The following ABCC4 variants were observed in gnomAD, a reference collection of about 807,000 sequenced individuals.
The protein encoded by ABCC4 is ATP-binding cassette sub-family C member 4.
A neutral mutation model predicts 168.5 loss-of-function variants in ABCC4; 102 were observed. The observed-to-expected ratio is 0.61, with a 90% CI of 0.52 to 0.71. ABCC4 has a LOEUF of 0.71. Among genes scored for constraint, ABCC4 ranks in the 30% least tolerant of loss-of-function variants. ABCC4 has a pLI of 0.00. For synonymous variants in ABCC4, 617 were observed against 590.7 expected (o/e 1.04, Z -0.65); for missense variants, 1,402 against 1,605.8 (o/e 0.87, Z 2.17).
chr13:95,196,605 GA>G (rs1293200091), intron 8 of ABCC4, among the ~76,000 whole-genome samples: 292 of 7,524 alleles, frequency 0.039, 9 homozygotes, highest in African/African-American at 0.12. Context: ...AGGAAGGAAG[GA>G]AGGAAGGAAG....
At chr13:95,134,592 C>T (rs2036079693) in intron 19 of ABCC4, among the ~76,000 whole-genome samples, 1 of 152,044 alleles carries the variant, frequency 6.6e-6, no homozygotes, top group Admixed American at 6.6e-5. Context: ...AGGTGGCACA[C>T]ACCTGTAATC....
At chr13:95,276,527 A>C (rs1400990721) in intron 1 of ABCC4, among the ~76,000 whole-genome samples, 1 of 151,750 alleles carries the variant, frequency 6.6e-6, no homozygotes, top group Non-Finnish European at 1.5e-5. Flanking sequence ...AAAGAAAAAA[A>C]GAAAAAACCA....
chr13:95,274,404 G>A (rs547049329), intron 1 of ABCC4, among the ~76,000 whole-genome samples: 4 of 152,142 alleles, frequency 2.6e-5, no homozygotes, highest in Admixed American at 1.3e-4. Flanking sequence ...GAGCTATGCC[G>A]TCTTTATCTA....
intron 4 of ABCC4, among the ~76,000 whole-genome samples, chr13:95,212,401 TACC>T (rs1453532293): frequency 1.2e-4 from 19 of 152,182 alleles, no homozygotes; most frequent in Middle Eastern, 3.4e-3. Context: ...ATGCAGAAAA[TACC>T]ACATTTTTAA....
intron 14 of ABCC4, among the ~76,000 whole-genome samples, chr13:95,167,251 T>C (rs1211165159): frequency 6.6e-6 from 1 of 152,062 alleles, no homozygotes; most frequent in African/African-American, 2.4e-5. Flanking sequence ...AGTTCCTAAC[T>C]GAAAATTCGA....
chr13:95,146,467 G>A (rs139103447), intron 19 of ABCC4, among the ~76,000 whole-genome samples: 6 of 152,198 alleles, frequency 3.9e-5, no homozygotes, highest in South Asian at 2.1e-4. Flanking sequence ...GACAGTAACC[G>A]GTTACCTTAT....
chr13:95,037,050 C>T (rs1358412440), intron 29 of ABCC4, among the ~76,000 whole-genome samples: 1 of 141,902 alleles, frequency 7.0e-6, no homozygotes, highest in Non-Finnish European at 1.5e-5. Context: ...TGCCACTGCA[C>T]TCCAGCCTGG....
At chr13:95,299,490 T>C (rs957868228) in intron 1 of ABCC4, among the ~76,000 whole-genome samples, 3 of 152,048 alleles carry the variant, frequency 2.0e-5, no homozygotes, top group African/African-American at 7.2e-5. Flanking sequence ...ATCCCCTAGG[T>C]CAAGCTTGTC....
At chr13:95,141,524 TCTGA>T (rs954518788) in intron 19 of ABCC4, among the ~76,000 whole-genome samples, 9 of 146,526 alleles carry the variant, frequency 6.1e-5, no homozygotes, top group Middle Eastern at 3.5e-3. Flanking sequence ...ATGTAATCTC[TCTGA>T]CTAAGTTGCA....
chr13:95,280,997 A>G (rs2041106549), intron 1 of ABCC4, among the ~76,000 whole-genome samples: 1 of 152,138 alleles, frequency 6.6e-6, no homozygotes, highest in Non-Finnish European at 1.5e-5. Context: ...TGCTAAGAGA[A>G]CAGAGCCATC....
At chr13:95,029,213 T>G (rs8002558) in intron 30 of ABCC4, among the ~76,000 whole-genome samples, 87 of 36,866 alleles carry the variant, frequency 2.4e-3, no homozygotes, top group African/African-American at 8.1e-3. Flanking sequence ...TATATATATA[T>G]AGAGAGAGAG....
chr13:95,256,713 G>A (rs1052485959), intron 1 of ABCC4, among the ~76,000 whole-genome samples: 3 of 151,846 alleles, frequency 2.0e-5, no homozygotes, highest in Non-Finnish European at 2.9e-5. Context: ...AGACGTGATC[G>A]TCTCATTGCC....
intron 20 of ABCC4, among the ~76,000 whole-genome samples, chr13:95,111,683 T>C (rs1328119525): frequency 1.3e-5 from 2 of 152,160 alleles, no homozygotes; most frequent in African/African-American, 4.8e-5. Context: ...TCTAACTATA[T>C]AAAAACAAAT....
chr13:95,035,355 T>C (rs1209046143), intron 29 of ABCC4, among the ~76,000 whole-genome samples: 2 of 152,214 alleles, frequency 1.3e-5, no homozygotes, highest in Non-Finnish European at 2.9e-5. Context: ...GTGTACTTTA[T>C]TATTCCGAGA....
At chr13:95,025,181 A>ACACCCAC (rs2031350522) in intron 30 of ABCC4, among the ~76,000 whole-genome samples, 1 of 134,780 alleles carries the variant, frequency 7.4e-6, no homozygotes. Context: ...ACACACACCC[A>ACACCCAC]CACACACCCA....
At chr13:95,215,466 AAAAAT>A (rs2039084489) in intron 4 of ABCC4, among the ~76,000 whole-genome samples, 1 of 152,226 alleles carries the variant, frequency 6.6e-6, no homozygotes, top group Non-Finnish European at 1.5e-5. Context: ...TGCTTAGAGC[AAAAAT>A]GGTAATGGTG....
intron 4 of ABCC4, among the ~76,000 whole-genome samples, chr13:95,211,762 A>AAGCAATTGGCCAGAAG (rs2038963182): frequency 6.6e-6 from 1 of 152,116 alleles, no homozygotes; most frequent in Non-Finnish European, 1.5e-5. Context: ...TGGCCAGGAG[A>AAGCAATTGGCCAGAAG]CTACTGGAAG....
intron 1 of ABCC4, among the ~76,000 whole-genome samples, chr13:95,260,953 G>A (rs946443743): frequency 1.3e-5 from 2 of 150,862 alleles, no homozygotes; most frequent in Non-Finnish European, 1.5e-5. Flanking sequence ...CTGCTTGGTC[G>A]TAACTCTGTG....
chr13:95,198,514 T>C (rs1330533600), intron 8 of ABCC4, among the ~76,000 whole-genome samples: 1 of 152,084 alleles, frequency 6.6e-6, no homozygotes, highest in African/African-American at 2.4e-5. Context: ...TTGGTGGGAG[T>C]GTAAATTAGT....
Sources: allele counts gnomAD v4.1 joint callset (sites outside exome capture counted in the v4.1 genomes callset), GRCh38; gene constraint gnomAD v4.1.1; transcripts MANE v1.5; gene names NCBI Gene and HGNC (gene_info 2026-07-23, HGNC 2026-07-21).